Variants in ANKRD22 observed in about 807,000 individuals in gnomAD.
The protein encoded by ANKRD22 is ankyrin repeat domain 22.
Under a neutral mutation model 25.7 loss-of-function variants are expected in ANKRD22, and 24 were observed. That is an observed-to-expected ratio of 0.93 (90% confidence interval 0.68 to 1.31). The LOEUF (loss-of-function observed/expected upper bound fraction) is 1.31. ANKRD22 is among the 50% of genes most tolerant of loss of function. The probability of loss-of-function intolerance (pLI) is 0.00; values close to 1 mark genes in which losing one functional copy is unlikely to be tolerated. For synonymous variants in ANKRD22, 84 were observed against 84.3 expected, an observed-to-expected ratio of 1.00 and a Z score of 0.02; for missense variants, 214 against 227.1, an observed-to-expected ratio of 0.94 and a Z score of 0.37.
In ANKRD22 at chr10:88,830,336, A is replaced by T. The variant is rs539545373; in HGVS notation, c.213+1499T>A. Among the ~76,000 whole-genome samples the T allele has an allele frequency of 6.0e-4, 92 of 152,314 alleles. 1 individual carries two copies. Among genetic ancestry groups the T allele is most frequent in the African/African-American group, 2.2e-3 (90 of 41,570 alleles). On this transcript the variant is annotated intron_variant, in intron 2 of 5. Transcript: ENST00000371930. ...ATCTTGGTCAGTTTGACAGACAAAA[A>T]CAAGGATCTTTATGTTTTAATTTAA...
Position 88,822,844 on chromosome 10 carries a change from G to A in ANKRD22, c.*97C>T. The A allele has an allele frequency of 9.9e-7, 1 of 1,013,656 alleles. No individual in the cohort carries two copies. Among genetic ancestry groups the A allele is most frequent in the Non-Finnish European group, 1.5e-6 (1 of 662,464 alleles). The allele number at this position is 1,013,656 out of a possible 1,614,324, so 62.8% of individuals were successfully genotyped here. A position where few individuals can be genotyped will look rare whatever the true frequency, so the allele number is the denominator to read the frequency against. On this transcript the variant is annotated 3_prime_UTR_variant, in exon 6 of 6. Transcript: ENST00000371930. ...GCATCATTATCCCCATAAAATGGTG[G>A]CATCCAGGTTAAATGGCCCACAGAC... is the stretch of plus-strand genomic sequence containing the variant.
At chr10:88,832,724 T>A (rs558863856) in intron 1 of ANKRD22, among the ~76,000 whole-genome samples, 1 of 152,206 alleles carries the variant, frequency 6.6e-6, no homozygotes, top group Non-Finnish European at 1.5e-5. Context: ...CTTGATTAGA[T>A]GCTGTTTATA....
rs1358069074 is a variant in ANKRD22 at position 88,820,528 on chromosome 10, CAA to C, written c.*2411_*2412del. The stretch of plus-strand genomic sequence containing the variant: ...GCATCTGACACTGACGATCTTAGGA[CAA>C]CCTCCTGAGGGATGGGGCTAGGACC... On this transcript the variant is annotated 3_prime_UTR_variant, in exon 6 of 6. Transcript: ENST00000371930. The C allele has an allele frequency of 5.8e-6, 9 of 1,539,888 alleles. No homozygotes were observed. The African/African-American group carries it at 1.2e-4, about 21-fold the overall frequency.
chr10:88,849,781 C>T (rs1281502242), intron 1 of ANKRD22, among the ~76,000 whole-genome samples: 1 of 152,102 alleles, frequency 6.6e-6, no homozygotes, highest in African/African-American at 2.4e-5. Flanking sequence ...AAAAGTCCAT[C>T]TTACGCAGTT....
At chr10:88,837,442 T>C (rs1295994889) in intron 1 of ANKRD22, among the ~76,000 whole-genome samples, 1 of 151,960 alleles carries the variant, frequency 6.6e-6, no homozygotes, top group Non-Finnish European at 1.5e-5. Context: ...AGTGAAGAGA[T>C]GATAGGATAG....
intron 5 of ANKRD22, 124 bp downstream of exon 5, chr10:88,823,156 T>C (rs1843817016): frequency 1.2e-5 from 15 of 1,228,124 alleles, no homozygotes; most frequent in Non-Finnish European, 1.8e-5. Flanking sequence ...ACTTCATTCC[T>C]TAATGAGGAT....
At position 88,820,351 on chromosome 10, in the gene ANKRD22, C is replaced by A. The variant is rs746376038; in HGVS notation, c.*2590G>T. The A allele has an allele frequency of 1.3e-6, 2 of 1,552,312 alleles. No homozygotes were observed. Among genetic ancestry groups the A allele is most frequent in the Admixed American group, 3.9e-5 (2 of 51,014 alleles). ...AAATGCTGCTCTCTGAGGTGACCAA[C>A]CTCATCTACCATAAGAATATTCCTG... is the stretch of plus-strand genomic sequence containing the variant. On this transcript the variant is annotated 3_prime_UTR_variant, in exon 6 of 6. Coordinates refer to ENST00000371930, the MANE Select transcript of ANKRD22 (RefSeq NM_144590.3).
At chr10:88,847,626 C>T (rs1013160206) in intron 1 of ANKRD22, among the ~76,000 whole-genome samples, 2 of 151,012 alleles carry the variant, frequency 1.3e-5, no homozygotes, top group African/African-American at 4.9e-5. Context: ...AAAAGCTTGA[C>T]TTTCTGTGTT....
chr10:88,824,682 C>T (rs1479447406), intron 4 of ANKRD22, among the ~76,000 whole-genome samples: 1 of 152,106 alleles, frequency 6.6e-6, no homozygotes, highest in East Asian at 1.9e-4. Flanking sequence ...AGGCTAGTGT[C>T]ACTGTGCCTA....
rs777054991 is a variant in ANKRD22 at position 88,832,063 on chromosome 10, T to C, written c.22-37A>G. ...AAAACAAAAGCAGGTTTTGAAATAC[T>C]GGCATAATTAAACCACAAAAACGAA... On this transcript the variant is annotated intron_variant, in intron 1 of 5. Transcript: ENST00000371930. 1.9e-5 allele frequency: 30 copies of C among 1,552,126 alleles called. 1 individual carries two copies. Among genetic ancestry groups the C allele is most frequent in the African/African-American group, 2.8e-5 (2 of 72,146 alleles).
Position 88,820,530 on chromosome 10 carries a change from A to G in ANKRD22, c.*2411T>C, listed in dbSNP as rs754495553. 8 of 1,538,742 alleles carry G rather than the reference A, an allele frequency of 5.2e-6. No homozygotes were observed. Among genetic ancestry groups the G allele is most frequent in the Non-Finnish European group, 6.1e-6 (7 of 1,142,146 alleles). The stretch of plus-strand genomic sequence containing the variant: ...ATCTGACACTGACGATCTTAGGACA[A>G]CCTCCTGAGGGATGGGGCTAGGACC... On this transcript the variant is annotated 3_prime_UTR_variant, in exon 6 of 6. Transcript: ENST00000371930.
At chr10:88,838,612 C>T (rs1291580740) in intron 1 of ANKRD22, among the ~76,000 whole-genome samples, 1 of 151,950 alleles carries the variant, frequency 6.6e-6, no homozygotes, top group Non-Finnish European at 1.5e-5. Flanking sequence ...GAGAATGAAG[C>T]TTATGGATGT....
At chr10:88,839,430 T>G (rs1413893174) in intron 1 of ANKRD22, among the ~76,000 whole-genome samples, 1 of 152,192 alleles carries the variant, frequency 6.6e-6, no homozygotes, top group Non-Finnish European at 1.5e-5. Context: ...CTCCCATCTC[T>G]GGTCAGGTCA....
intron 2 of ANKRD22, among the ~76,000 whole-genome samples, chr10:88,829,495 C>T (rs1419704357): frequency 1.3e-5 from 2 of 152,106 alleles, no homozygotes; most frequent in Non-Finnish European, 1.5e-5. Flanking sequence ...ATTAAATGGT[C>T]CAGAGTTAAC....
chr10:88,841,842 T>C (rs1377820137), intron 1 of ANKRD22, among the ~76,000 whole-genome samples: 1 of 152,182 alleles, frequency 6.6e-6, no homozygotes, highest in Non-Finnish European at 1.5e-5. Context: ...AAATATTTTC[T>C]GTGCTTTACT....
chr10:88,844,086 T>C (rs538109733), intron 1 of ANKRD22, among the ~76,000 whole-genome samples: 3 of 152,196 alleles, frequency 2.0e-5, no homozygotes, highest in Admixed American at 6.6e-5. Context: ...GAAGGTGAGA[T>C]TCAAGCAGAG....
intron 1 of ANKRD22, among the ~76,000 whole-genome samples, chr10:88,848,179 T>C (rs1310952136): frequency 1.4e-5 from 1 of 69,680 alleles, no homozygotes; most frequent in African/African-American, 5.7e-5. Flanking sequence ...TATGTGTATA[T>C]ATATATGTAT....
At chr10:88,831,489 C>T (rs1228656663) in intron 2 of ANKRD22, among the ~76,000 whole-genome samples, 4 of 151,964 alleles carry the variant, frequency 2.6e-5, no homozygotes, top group African/African-American at 9.7e-5. Context: ...GAAATCTTTG[C>T]CATTGCTTCT....
At chr10:88,823,689 G>T (rs1843823886) in intron 4 of ANKRD22, among the ~76,000 whole-genome samples, 1 of 151,998 alleles carries the variant, frequency 6.6e-6, no homozygotes. Context: ...TTAGCCGGGC[G>T]CGGTGGCGGG....
Sources: gnomAD v4.1 joint callset for allele counts (sites outside exome capture counted in the v4.1 genomes callset) on GRCh38, gnomAD v4.1.1 for gene constraint, MANE v1.5 for transcripts, NCBI Gene and HGNC (gene_info 2026-07-23, HGNC 2026-07-21) for gene names.